Variants in ZNF713 observed in about 807,000 individuals in gnomAD.
The protein encoded by ZNF713 is zinc finger protein 713.
In ZNF713, 21 loss-of-function variants were observed where a neutral mutation model predicts 28.7. That is an observed-to-expected ratio of 0.73 (90% confidence interval 0.52 to 1.05). ZNF713 has a LOEUF of 1.05. ZNF713 is among the 50% of genes least tolerant of loss of function. ZNF713 has a pLI of 0.00. For missense variants in ZNF713, 458 were observed against 532.4 expected (o/e 0.86, Z 1.37); for synonymous variants, 167 against 178.0 (o/e 0.94, Z 0.49).
intron 1 of ZNF713, 69 bp downstream of exon 1, chr7:55,887,749 GGGGGGCGGA>G: frequency 2.3e-4 from 1 of 4,314 alleles, no homozygotes; most frequent in South Asian, 5.6e-3. Flanking sequence ...GGGCGGAGGC[GGGGGGCGGA>G]GGCGGGGGGC....
Position 55,923,411 on chromosome 7 carries a change from T to G in ZNF713, c.214+123T>G. The G allele has an allele frequency of 2.1e-5, 29 of 1,370,898 alleles. No homozygotes were observed. The South Asian group carries it at 4.2e-4, about 20-fold the overall frequency. The allele number at this position is 1,370,898 out of a possible 1,614,324, so 84.9% of individuals were successfully genotyped here. A position where few individuals can be genotyped will look rare whatever the true frequency, so the allele number is the denominator to read the frequency against. On this transcript the variant is annotated intron_variant, in intron 5 of 6. Coordinates refer to ENST00000429591, the MANE Select transcript of ZNF713 (RefSeq NM_182633.3). ...TGGGATAGAAGAATGCTAATCAGTT[T>G]TGGAGTCAAAGACCTTTGTTTTCTG...
intron 1 of ZNF713, among the ~76,000 whole-genome samples, chr7:55,895,894 G>A (rs1214149836): frequency 6.6e-6 from 1 of 152,166 alleles, no homozygotes; most frequent in Admixed American, 6.5e-5. Context: ...GAAAGGTTGA[G>A]TCATTTACCC....
chr7:55,891,016 A>G (rs1785372011), intron 1 of ZNF713, among the ~76,000 whole-genome samples: 1 of 152,006 alleles, frequency 6.6e-6, no homozygotes, highest in South Asian at 2.1e-4. Flanking sequence ...AAAAGAAAAA[A>G]AAATTAAGGA....
chr7:55,917,595 T>C (rs10263766), intron 4 of ZNF713, among the ~76,000 whole-genome samples: 124,758 of 151,910 alleles, frequency 0.82, 51,764 homozygotes, highest in East Asian at 0.95. Context: ...GTCCCAGCTA[T>C]ACAGTAGGCT....
chr7:55,895,714 C>A (rs933956158), intron 1 of ZNF713, among the ~76,000 whole-genome samples: 2 of 152,002 alleles, frequency 1.3e-5, no homozygotes, highest in African/African-American at 2.4e-5. Context: ...GCAATCTGCC[C>A]GCCTTGGCCT....
chr7:55,940,547 C>A lies in ZNF713; in HGVS notation c.*541C>A. 1 of 981,420 alleles carries A rather than the reference C, an allele frequency of 1.0e-6. No individual in the cohort carries two copies. The highest frequency in any genetic ancestry group is 1.2e-6 in the Non-Finnish European group (1 of 826,472). The allele number at this position is 981,420 out of a possible 1,614,324, so 60.8% of individuals were successfully genotyped here. ...TTACAAATGAGATTATATTTGGAGT[C>A]ATGTTCCAAATCTGATATAAAACTT... On this transcript the variant is annotated 3_prime_UTR_variant, in exon 7 of 7. Coordinates refer to ENST00000429591, the MANE Select transcript of ZNF713 (RefSeq NM_182633.3).
chr7:55,887,858 C>T (rs867515069), intron 1 of ZNF713, among the ~76,000 whole-genome samples, 178 bp downstream of exon 1: 185 of 4,806 alleles, frequency 0.038, 50 homozygotes, highest in Admixed American at 0.14. Flanking sequence ...CGGCGGCGGG[C>T]GGCGGGCGGC....
At position 55,911,934 on chromosome 7, in the gene ZNF713, C is replaced by T. The variant is rs1785792047; in HGVS notation, c.-137C>T. 6.6e-6 allele frequency: 1 copy of T among 152,154 alleles called. No homozygotes were observed. Among genetic ancestry groups the T allele is most frequent in the Admixed American group, 6.6e-5 (1 of 15,260 alleles). 9.4% of individuals were successfully genotyped at this position (152,154 alleles called of 1,614,324 possible). ...TCAACTTTCAAGAGCAGCCCCAGCT[C>T]CTTAAGCTGCTGGTCCTGGTGCATC... On this transcript the variant is annotated 5_prime_UTR_variant, in exon 3 of 7. Transcript: ENST00000429591.
intron 6 of ZNF713, among the ~76,000 whole-genome samples, chr7:55,929,709 T>C (rs927955962): frequency 6.6e-6 from 1 of 150,672 alleles, no homozygotes; most frequent in Admixed American, 6.6e-5. Context: ...GAACTGAGAC[T>C]GCGCCACTGC....
chr7:55,902,631 A>G (rs890493297), intron 1 of ZNF713, among the ~76,000 whole-genome samples: 4 of 152,128 alleles, frequency 2.6e-5, no homozygotes, highest in African/African-American at 9.7e-5. Context: ...TTTTTGCCCT[A>G]TCTCTTAAAT....
intron 1 of ZNF713, among the ~76,000 whole-genome samples, chr7:55,896,405 CTA>C (rs1785472630): frequency 6.6e-6 from 1 of 151,950 alleles, no homozygotes; most frequent in African/African-American, 2.4e-5. Flanking sequence ...GTTAGGAACT[CTA>C]TTATAAAGCT....
At chr7:55,908,150 T>G (rs1213530635) in intron 2 of ZNF713, among the ~76,000 whole-genome samples, 1 of 134,836 alleles carries the variant, frequency 7.4e-6, no homozygotes, top group Admixed American at 7.2e-5. Context: ...TTTTTTTTTT[T>G]TTTTTTTTTT....
chr7:55,934,140 G>T (rs1584319635), intron 6 of ZNF713, among the ~76,000 whole-genome samples: 2 of 152,268 alleles, frequency 1.3e-5, no homozygotes, highest in East Asian at 3.9e-4. Context: ...AAAGATTGTT[G>T]GCAAAGAGAC....
intron 6 of ZNF713, among the ~76,000 whole-genome samples, chr7:55,927,915 A>AAAAAAAAAAAAAAAG (rs1562746758): frequency 5.4e-5 from 8 of 148,016 alleles, no homozygotes; most frequent in Non-Finnish European, 1.0e-4. Flanking sequence ...AAAAAAAAAA[A>AAAAAAAAAAAAAAAG]AAAAAGCCAC....
At chr7:55,909,560 T>C (rs1401322413) in intron 2 of ZNF713, among the ~76,000 whole-genome samples, 1 of 152,226 alleles carries the variant, frequency 6.6e-6, no homozygotes, top group African/African-American at 2.4e-5. Context: ...GATTGTTGTT[T>C]CTAATTCTGT....
intron 6 of ZNF713, among the ~76,000 whole-genome samples, chr7:55,931,366 T>C (rs1786206023): frequency 1.3e-5 from 2 of 152,186 alleles, no homozygotes; most frequent in Admixed American, 6.5e-5. Flanking sequence ...ACATTTTCTG[T>C]CTTTTTTTAG....
chr7:55,891,399 G>C (rs958776224), intron 1 of ZNF713, among the ~76,000 whole-genome samples: 1 of 151,598 alleles, frequency 6.6e-6, no homozygotes, highest in Non-Finnish European at 1.5e-5. Context: ...TATGAAAATA[G>C]AAATCAGGAG....
chr7:55,898,705 A>G (rs1038823831), intron 1 of ZNF713, among the ~76,000 whole-genome samples: 1 of 152,228 alleles, frequency 6.6e-6, no homozygotes, highest in Non-Finnish European at 1.5e-5. Context: ...CAAAATATAT[A>G]AGGAACTCAG....
At chr7:55,892,938 A>G (rs1281341673) in intron 1 of ZNF713, among the ~76,000 whole-genome samples, 3 of 149,546 alleles carry the variant, frequency 2.0e-5, no homozygotes, top group Non-Finnish European at 4.4e-5. Context: ...GCTGGAGTGC[A>G]GTGGTGTGAT....
Sources: allele counts gnomAD v4.1 joint callset (sites outside exome capture counted in the v4.1 genomes callset), GRCh38; gene constraint gnomAD v4.1.1; transcripts MANE v1.5; gene names NCBI Gene and HGNC (gene_info 2026-07-23, HGNC 2026-07-21).